Variants in GTF2H5 observed in about 807,000 individuals in gnomAD.
The protein encoded by GTF2H5 is general transcription factor IIH subunit 5, also known as TFB5 ortholog.
A neutral mutation model predicts 7.1 loss-of-function variants in GTF2H5; 5 were observed. The ratio of observed to expected loss-of-function variants is 0.71; its 90% confidence interval spans 0.37 to 1.49. GTF2H5 has a LOEUF of 1.49. Ranked by LOEUF, GTF2H5 falls within the 40% of genes most tolerant of loss-of-function variation. The pLI is 0.03. For missense variants in GTF2H5, 80 were observed against 83.0 expected (o/e 0.96, Z 0.14); for synonymous variants, 30 against 31.7 (o/e 0.95, Z 0.18).
At position 158,192,045 on chromosome 6, in the gene GTF2H5, T is replaced by G. The variant is rs201926134; in HGVS notation, c.104T>G (p.Ile35Ser). Residue 35 changes from isoleucine to serine, a missense_variant, in exon 3 of 3, where the codon ATT (isoleucine) becomes AGT (serine). Ile to Ser is a moderately radical substitution (Grantham distance 142). Transcript: ENST00000607778. ...ESNALGKKFIIQDIDDTHVFV... is the reference protein window; with the variant it reads ...ESNALGKKFISQDIDDTHVFV... ...AATGCCCTGGGGAAGAAGTTCATCATTCAAGACATTGATGACACTCACGTC... is the reference window on the plus strand; with the variant it reads ...AATGCCCTGGGGAAGAAGTTCATCAGTCAAGACATTGATGACACTCACGTC... The G allele has an allele frequency of 1.2e-5, 20 of 1,612,750 alleles. No individual in the cohort carries two copies. The highest frequency in any genetic ancestry group is 1.7e-5 in the Admixed American group (1 of 60,006).
At chr6:158,169,359 CATATAT>C (rs1162505623) in intron 1 of GTF2H5, among the ~76,000 whole-genome samples, 1 of 66,266 alleles carries the variant, frequency 1.5e-5, no homozygotes, top group East Asian at 7.6e-4. Flanking sequence ...ATATATAATA[CATATAT>C]ATAATATGTA....
At chr6:158,180,011 T>G (rs1785987766) in intron 2 of GTF2H5, among the ~76,000 whole-genome samples, 1 of 152,218 alleles carries the variant, frequency 6.6e-6, no homozygotes, top group African/African-American at 2.4e-5. Context: ...TAATAAGAGA[T>G]ACATTCCATC....
At chr6:158,183,929 A>G (rs763042035) in intron 2 of GTF2H5, among the ~76,000 whole-genome samples, 10 of 152,138 alleles carry the variant, frequency 6.6e-5, no homozygotes, top group Admixed American at 1.3e-4. Flanking sequence ...ACCAGTCCCA[A>G]TGAGATGAAC....
At chr6:158,179,389 G>T (rs573551928) in intron 2 of GTF2H5, among the ~76,000 whole-genome samples, 3 of 152,162 alleles carry the variant, frequency 2.0e-5, no homozygotes, top group South Asian at 2.1e-4. Context: ...GAAGAAAGTC[G>T]GTGGTAGCTT....
At chr6:158,182,643 A>C (rs749001267) in intron 2 of GTF2H5, among the ~76,000 whole-genome samples, 1 of 151,744 alleles carries the variant, frequency 6.6e-6, no homozygotes, top group Non-Finnish European at 1.5e-5. Context: ...AATCAATGAT[A>C]TCCTTTCTTC....
Position 158,185,187 on chromosome 6 carries a change from A to G in GTF2H5, c.36-6790A>G, listed in dbSNP as rs1405146420. ...AATAATTAAAGAGTCTTTTTAAATCATTACATGTTATCTTTACTTCAGGTA... is the reference window on the plus strand; with the variant it reads ...AATAATTAAAGAGTCTTTTTAAATCGTTACATGTTATCTTTACTTCAGGTA... On this transcript the variant is annotated intron_variant, in intron 2 of 2. Coordinates refer to ENST00000607778, the MANE Select transcript of GTF2H5 (RefSeq NM_207118.3). Among the ~76,000 whole-genome samples, 7 of 150,194 alleles carry G rather than the reference A, an allele frequency of 4.7e-5. 1 individual carries two copies. The highest frequency in any genetic ancestry group is 1.5e-5 in the Non-Finnish European group (1 of 67,732).
chr6:158,169,564 AAT>A (rs1377212561), intron 1 of GTF2H5, among the ~76,000 whole-genome samples: 1 of 70,342 alleles, frequency 1.4e-5, no homozygotes, highest in South Asian at 5.5e-4. Flanking sequence ...TATTATATAT[AAT>A]ATATTGTATA....
At chr6:158,187,465 T>G (rs920871219) in intron 2 of GTF2H5, among the ~76,000 whole-genome samples, 2 of 152,238 alleles carry the variant, frequency 1.3e-5, no homozygotes, top group Admixed American at 1.3e-4. Flanking sequence ...TACAATTTCT[T>G]TCAGGGCCTG....
chr6:158,198,897 C>T lies in GTF2H5; in HGVS notation c.*6740C>T, dbSNP rs1239371856. ...ATGTTGCCTGGAATACATGAGTCTT[C>T]CTGATCTCTTCAAACGGGGTTTGTT... is the stretch of plus-strand genomic sequence containing the variant. On this transcript the variant is annotated 3_prime_UTR_variant, in exon 3 of 3. Transcript: ENST00000607778. 2.0e-5 allele frequency: 3 copies of T among 152,136 alleles called. No homozygotes were observed. Among genetic ancestry groups the T allele is most frequent in the Non-Finnish European group, 2.9e-5 (2 of 68,032 alleles). 9.4% of individuals were successfully genotyped at this position (152,136 alleles called of 1,614,324 possible). A position where few individuals can be genotyped will look rare whatever the true frequency, so the allele number is the denominator to read the frequency against.
At chr6:158,185,836 A>G (rs1282437398) in intron 2 of GTF2H5, among the ~76,000 whole-genome samples, 1 of 152,040 alleles carries the variant, frequency 6.6e-6, no homozygotes, top group Admixed American at 6.6e-5. Context: ...CTACAAAAAA[A>G]TACAAAAAAA....
chr6:158,191,890 A>C lies in GTF2H5; in HGVS notation c.36-87A>C, dbSNP rs1777032666. 42 of 1,050,462 alleles carry C rather than the reference A, an allele frequency of 4.0e-5. No individual in the cohort carries two copies. In the South Asian group the frequency reaches 5.0e-4, roughly 13 times the overall value. 65.1% of individuals were successfully genotyped at this position (1,050,462 alleles called of 1,614,324 possible). The stretch of plus-strand genomic sequence containing the variant: ...CAGAACTTTAAAAATCATTCTAAAA[A>C]TTCTACATGTTCACATTTAATTGCT... On this transcript the variant is annotated intron_variant, in intron 2 of 2. Coordinates refer to ENST00000607778, the MANE Select transcript of GTF2H5 (RefSeq NM_207118.3).
intron 2 of GTF2H5, among the ~76,000 whole-genome samples, chr6:158,180,134 TG>T (rs1370293501): frequency 3.9e-5 from 6 of 152,178 alleles, no homozygotes; most frequent in African/African-American, 1.4e-4. Flanking sequence ...GAGATAATCG[TG>T]GTTTTTGTCA....
chr6:158,185,603 G>A (rs1187786708), intron 2 of GTF2H5, among the ~76,000 whole-genome samples: 1 of 151,880 alleles, frequency 6.6e-6, no homozygotes, highest in Non-Finnish European at 1.5e-5. Context: ...GTGTTCACTG[G>A]CCAGTCATTC....
At chr6:158,169,041 C>T (rs1785694183) in intron 1 of GTF2H5, among the ~76,000 whole-genome samples, 1 of 151,778 alleles carries the variant, frequency 6.6e-6, no homozygotes, top group Non-Finnish European at 1.5e-5. Flanking sequence ...CGAGACCAGC[C>T]TGGCCAACAT....
At chr6:158,186,826 G>A (rs1351311185) in intron 2 of GTF2H5, among the ~76,000 whole-genome samples, 1 of 152,172 alleles carries the variant, frequency 6.6e-6, no homozygotes, top group African/African-American at 2.4e-5. Context: ...TTTTCTTATT[G>A]GCAGTTGATT....
intron 1 of GTF2H5, among the ~76,000 whole-genome samples, chr6:158,169,475 T>C (rs1416713514): frequency 1.4e-4 from 7 of 48,654 alleles, no homozygotes; most frequent in Admixed American, 5.4e-4. Context: ...TATTGTATAT[T>C]ATATATAATA....
rs1786011638 is a variant in GTF2H5, at chr6:158,181,604, T to A, written c.36-10373T>A. 3.9e-5 allele frequency among the ~76,000 whole-genome samples: 6 copies of A among 152,354 alleles called. No homozygotes were observed. In the South Asian group the frequency reaches 1.2e-3, roughly 32 times the overall value. On this transcript the variant is annotated intron_variant, in intron 2 of 2. Transcript: ENST00000607778. ...GGTTAGTTAGCTCTTCTTGTTGAAT[T>A]GATCCCTTTACCATTATGTAATGGC...
intron 2 of GTF2H5, among the ~76,000 whole-genome samples, chr6:158,179,956 A>G (rs77462815): frequency 6.6e-6 from 1 of 152,108 alleles, no homozygotes; most frequent in Non-Finnish European, 1.5e-5. Context: ...CCCATACAGT[A>G]TGATATTGGC....
chr6:158,181,742 C>T (rs1471606073), intron 2 of GTF2H5, among the ~76,000 whole-genome samples: 5 of 152,030 alleles, frequency 3.3e-5, no homozygotes, highest in Admixed American at 3.3e-4. Flanking sequence ...GATCTTCCTC[C>T]ATCCCTTTAT....
Sources: allele counts gnomAD v4.1 joint callset (sites outside exome capture counted in the v4.1 genomes callset), GRCh38; gene constraint gnomAD v4.1.1; transcripts MANE v1.5; gene names NCBI Gene and HGNC (gene_info 2026-07-23, HGNC 2026-07-21).